Variants in RTCA observed in about 807,000 individuals in gnomAD.
The protein encoded by RTCA is RNA terminal phosphate cyclase domain 1.
In RTCA, 37 loss-of-function variants were observed where a neutral mutation model predicts 46.1. That is an observed-to-expected ratio of 0.80 (90% CI 0.62 to 1.06). The LOEUF (loss-of-function observed/expected upper bound fraction) is 1.06, where lower values mean the gene tolerates loss of function less well. Among genes scored for constraint, RTCA ranks in the 50% least tolerant of loss-of-function variants. RTCA has a pLI of 0.00. For missense variants in RTCA, 435 were observed against 455.5 expected, an observed-to-expected ratio of 0.95 and a Z score of 0.41; for synonymous variants, 164 against 158.3, an observed-to-expected ratio of 1.04 and a Z score of -0.27.
chr1:100,279,249 C>T (rs1666558852), intron 8 of RTCA, among the ~76,000 whole-genome samples: 1 of 152,162 alleles, frequency 6.6e-6, no homozygotes, highest in African/African-American at 2.4e-5. Flanking sequence ...AAAGTGACAG[C>T]TATGATTCCT....
chr1:100,290,671 C>A (rs1316617073), intron 10 of RTCA, among the ~76,000 whole-genome samples: 1 of 152,108 alleles, frequency 6.6e-6, no homozygotes, highest in Non-Finnish European at 1.5e-5. Flanking sequence ...GAGGCTGAGG[C>A]AGGAGGATCC....
In RTCA at chr1:100,270,554, T is replaced by G; in HGVS notation, c.291-3T>G. On this transcript the variant is annotated splice_polypyrimidine_tract_variant and splice_region_variant and intron_variant, in intron 3 of 10. Transcript: ENST00000370128. ...AAATAAGCCCCTTCTGCCTTCTCCT[T>G]AGGAGTGTGTGCCTCTTGATGCAGG... The G allele has an allele frequency of 6.2e-7, 1 of 1,613,770 alleles. No homozygotes were observed. The highest frequency in any genetic ancestry group is 8.5e-7 in the Non-Finnish European group (1 of 1,179,850).
intron 9 of RTCA, 66 bp from the exon 10 acceptor site, chr1:100,287,033 G>T: frequency 9.4e-7 from 1 of 1,059,394 alleles, no homozygotes; most frequent in South Asian, 1.7e-5. Flanking sequence ...ATTATGGGCA[G>T]CAGTGGAATT....
At chr1:100,274,730 T>C (rs1666280486) in intron 5 of RTCA, 94 bp from the exon 6 acceptor site, 1 of 1,287,742 alleles carries the variant, frequency 7.8e-7, no homozygotes, top group Non-Finnish European at 1.1e-6. Flanking sequence ...GGATTACATG[T>C]TTGGATATCA....
chr1:100,282,256 G>A (rs1666749095), intron 8 of RTCA, among the ~76,000 whole-genome samples: 1 of 152,178 alleles, frequency 6.6e-6, no homozygotes, highest in African/African-American at 2.4e-5. Flanking sequence ...CAAGGTGGCT[G>A]GGTGGAAAGG....
intron 8 of RTCA, among the ~76,000 whole-genome samples, chr1:100,278,137 A>G (rs1666502409): frequency 6.6e-6 from 1 of 152,232 alleles, no homozygotes; most frequent in Non-Finnish European, 1.5e-5. Context: ...TCTGTCTGCC[A>G]TGAAAGTTCC....
chr1:100,275,569 T>C, intron 6 of RTCA, 30 bp from the exon 7 acceptor site: 1 of 1,552,066 alleles, frequency 6.4e-7, no homozygotes, highest in Non-Finnish European at 8.7e-7. Flanking sequence ...AGTAATTGTT[T>C]TATTCTATTT....
chr1:100,291,350 C>A, intron 10 of RTCA, 53 bp from the exon 11 acceptor site: 1 of 1,171,282 alleles, frequency 8.5e-7, no homozygotes, highest in Non-Finnish European at 1.2e-6. Context: ...GAGTTGTGGG[C>A]TCTTTCCTCC....
chr1:100,291,509 TTTGCC>T lies in RTCA; in HGVS notation c.*7_*11del, dbSNP rs771136205. 2.0e-5 allele frequency: 31 copies of T among 1,537,496 alleles called. No individual in the cohort carries two copies. The highest frequency in any genetic ancestry group is 1.3e-5 in the Non-Finnish European group (15 of 1,115,560). On this transcript the variant is annotated 3_prime_UTR_variant, in exon 11 of 11. Coordinates refer to ENST00000370128, the MANE Select transcript of RTCA (RefSeq NM_003729.4). ...ATGACAAATCCAAATCTATAGAGTA[TTTGCC>T]TCTTAAATGATACCTCATTGATATA...
At chr1:100,276,384 A>G (rs1301009711) in intron 7 of RTCA, among the ~76,000 whole-genome samples, 1 of 152,216 alleles carries the variant, frequency 6.6e-6, no homozygotes, top group Non-Finnish European at 1.5e-5. Flanking sequence ...GAGCTTTTTA[A>G]AACCAGACTA....
At chr1:100,284,574 A>T (rs1245032861) in intron 8 of RTCA, among the ~76,000 whole-genome samples, 1 of 151,544 alleles carries the variant, frequency 6.6e-6, no homozygotes, top group Non-Finnish European at 1.5e-5. Flanking sequence ...TTGTATTTTT[A>T]GTAGAGATGG....
intron 5 of RTCA, 112 bp from the exon 6 acceptor site, chr1:100,274,712 C>A: frequency 8.4e-7 from 1 of 1,186,036 alleles, no homozygotes; most frequent in Non-Finnish European, 1.1e-6. Context: ...ATATTTAGAC[C>A]TTTCCATGGA....
At position 100,266,387 on chromosome 1, in the gene RTCA, G is replaced by A; in HGVS notation, c.12G>A (p.Pro4=). The A allele has an allele frequency of 1.2e-6, 2 of 1,611,520 alleles. No individual in the cohort carries two copies. Among genetic ancestry groups the A allele is most frequent in the Admixed American group, 1.7e-5 (1 of 59,342 alleles). The change falls in exon 1 of 11, where the codon CCG becomes CCA. Residue 4 remains proline, a synonymous_variant. Coordinates refer to ENST00000370128, the MANE Select transcript of RTCA (RefSeq NM_003729.4). MAG[P]RVEVDGSIME... is the part of the protein sequence containing the mutation. Reference sequence around the variant, plus strand: ...CCAGGGTGTCCCCCATGGCGGGGCCGCGGGTGGAGGTCGATGGCAGCATCA... The same window carrying A: ...CCAGGGTGTCCCCCATGGCGGGGCCACGGGTGGAGGTCGATGGCAGCATCA...
rs1177784387 is a variant in RTCA, at chr1:100,268,180, A to G, written c.175A>G (p.Ile59Val). 4 of 1,614,092 alleles carry G rather than the reference A, an allele frequency of 2.5e-6. No homozygotes were observed. Among genetic ancestry groups the G allele is most frequent in the Non-Finnish European group, 2.5e-6 (3 of 1,180,042 alleles). ...TCAACATTTATCTGGACTGGAAATG[A>G]TTCGAGATTTGTGTGATGGGCAACT... ...RPQHLSGLEM[I>V]RDLCDGQLEG... The change falls in exon 3 of 11, where the codon ATT becomes GTT. Residue 59 changes from isoleucine to valine, a missense_variant. Coordinates refer to ENST00000370128, the MANE Select transcript of RTCA (RefSeq NM_003729.4).
chr1:100,280,769 A>G (rs1666665860), intron 8 of RTCA, among the ~76,000 whole-genome samples: 1 of 152,228 alleles, frequency 6.6e-6, no homozygotes, highest in Non-Finnish European at 1.5e-5. Context: ...TGGGAGGCCA[A>G]GGTGAGCAGA....
At position 100,273,441 on chromosome 1, in the gene RTCA, C is replaced by A; in HGVS notation, c.462C>A (p.Asp154Glu). 1 of 1,577,298 alleles carries A rather than the reference C, an allele frequency of 6.3e-7. No individual in the cohort carries two copies. Among genetic ancestry groups the A allele is most frequent in the Non-Finnish European group, 8.6e-7 (1 of 1,158,916 alleles). ...AATTTGGTTTCATATTTAATTGTGA[C>A]ATTAAAACAAGGTAAGTTGCTTGTT... is the stretch of plus-strand genomic sequence containing the variant. ...VEKFGFIFNC[D>E]IKTRGYYPKG... Residue 154 changes from aspartate to glutamate, a missense_variant, in exon 5 of 11, where the codon GAC becomes GAA. By Grantham distance (45) the Asp-to-Glu change is conservative. Transcript: ENST00000370128.
intron 4 of RTCA, among the ~76,000 whole-genome samples, chr1:100,271,800 G>T (rs1666110705): frequency 6.6e-6 from 1 of 152,140 alleles, no homozygotes; most frequent in South Asian, 2.1e-4. Flanking sequence ...TCAAGACATA[G>T]AATAGTTCCG....
chr1:100,281,246 A>G (rs767449823), intron 8 of RTCA: 3 of 533,778 alleles, frequency 5.6e-6, no homozygotes, highest in African/African-American at 1.9e-5. Flanking sequence ...ACATTCTTCA[A>G]TTTTATTTTA....
intron 7 of RTCA, among the ~76,000 whole-genome samples, chr1:100,276,937 A>G (rs187398865): frequency 4.0e-4 from 61 of 152,316 alleles, no homozygotes; most frequent in African/African-American, 1.4e-3. Context: ...ATTCTGAAAC[A>G]CTTTATAGTA....
Sources: allele counts gnomAD v4.1 joint callset (sites outside exome capture counted in the v4.1 genomes callset), GRCh38; gene constraint gnomAD v4.1.1; transcripts MANE v1.5; gene names NCBI Gene and HGNC (gene_info 2026-07-23, HGNC 2026-07-21).